RSBN1: variants seen among roughly 807,000 people sequenced by gnomAD.
RSBN1 encodes the protein round spermatid basic protein 1, also known as lysine-specific demethylase 9.
RSBN1 carries 23 observed loss-of-function variants against 74.8 expected under a neutral mutation model. The observed-to-expected ratio is 0.31, with a 90% confidence interval of 0.22 to 0.44. The LOEUF is 0.44. Among genes scored for constraint, RSBN1 ranks in the 20% least tolerant of loss-of-function variants. The probability of loss-of-function intolerance (pLI) is 1.00; values close to 1 mark genes in which losing one functional copy is unlikely to be tolerated. For synonymous variants in RSBN1, 407 were observed against 379.6 expected (o/e 1.07, Z -0.84); for missense variants, 808 against 1,020.9 (o/e 0.79, Z 2.84).
intron 2 of RSBN1, among the ~76,000 whole-genome samples, chr1:113,779,266 G>A (rs973551144): frequency 6.6e-6 from 1 of 151,922 alleles, no homozygotes; most frequent in Non-Finnish European, 1.5e-5. Flanking sequence ...GACCATCTAG[G>A]ATATCTTACC....
rs1218816870 is a variant in RSBN1, at chr1:113,763,734, T to C, written c.*2246A>G. 3.5e-5 allele frequency: 5 copies of C among 144,652 alleles called. No homozygotes were observed. Among genetic ancestry groups the C allele is most frequent in the African/African-American group, 5.0e-5 (2 of 40,354 alleles). The allele number at this position is 144,652 out of a possible 1,614,324, so 9.0% of individuals were successfully genotyped here. A position where few individuals can be genotyped will look rare whatever the true frequency, so the allele number is the denominator to read the frequency against. On this transcript the variant is annotated 3_prime_UTR_variant, in exon 7 of 7. Coordinates refer to ENST00000261441, the MANE Select transcript of RSBN1 (RefSeq NM_018364.5). The stretch of plus-strand genomic sequence containing the variant: ...AATGTGTTTATATTGGAGGTGAGGG[T>C]AGAATGTTTTATAAAAGGAAAATGG...
chr1:113,806,530 T>A (rs983285730), intron 1 of RSBN1, among the ~76,000 whole-genome samples: 2 of 151,138 alleles, frequency 1.3e-5, no homozygotes, highest in East Asian at 3.9e-4. Flanking sequence ...CAGATTAAAA[T>A]ACAAAAGTTA....
At chr1:113,811,647 G>A (rs963589645) in intron 1 of RSBN1, 63 bp downstream of exon 1, 1 of 1,516,284 alleles carries the variant, frequency 6.6e-7, no homozygotes, top group Admixed American at 2.1e-5. Flanking sequence ...CAGTCCTAAA[G>A]ATGCGGGATA....
chr1:113,805,115 T>C (rs2101826360), intron 1 of RSBN1, among the ~76,000 whole-genome samples: 1 of 152,198 alleles, frequency 6.6e-6, no homozygotes, highest in East Asian at 1.9e-4. Flanking sequence ...GGAAGTATGT[T>C]TGTCCTATTT....
Position 113,766,066 on chromosome 1 carries a change from G to A in RSBN1, c.2323C>T (p.Gln775Ter). The A allele has an allele frequency of 6.2e-7, 1 of 1,614,094 alleles. No individual in the cohort carries two copies. The highest frequency in any genetic ancestry group is 8.5e-7 in the Non-Finnish European group (1 of 1,179,956). Reference protein sequence around the residue: ...ELNLQQDQKTQPIPVLKVESR... With the variant: ...ELNLQQDQKT ...TCCACTTTTAAAACTGGAATAGGCTGAGTCTTCTGATCTTGCTGTAGATTA... is the reference window on the plus strand; with the variant it reads ...TCCACTTTTAAAACTGGAATAGGCTAAGTCTTCTGATCTTGCTGTAGATTA... The change falls in exon 7 of 7, where the codon CAG (glutamine) becomes TAG (stop). Residue 775 changes from glutamine (Q) to a stop codon, truncating the protein, a stop_gained. Coordinates refer to ENST00000261441, the MANE Select transcript of RSBN1 (RefSeq NM_018364.5). LOFTEE classifies it high-confidence loss of function.
chr1:113,784,229 T>C (rs1660195586), intron 2 of RSBN1, among the ~76,000 whole-genome samples: 1 of 152,152 alleles, frequency 6.6e-6, no homozygotes, highest in Non-Finnish European at 1.5e-5. Context: ...TTACCACAAG[T>C]TTATTGTACA....
intron 2 of RSBN1, among the ~76,000 whole-genome samples, chr1:113,786,744 G>A (rs933134928): frequency 6.6e-6 from 1 of 152,170 alleles, no homozygotes; most frequent in African/African-American, 2.4e-5. Context: ...GCCAAGGCAG[G>A]CGGATCACTT....
chr1:113,783,174 T>G (rs1487939729), intron 2 of RSBN1, among the ~76,000 whole-genome samples: 1 of 152,110 alleles, frequency 6.6e-6, no homozygotes, highest in Admixed American at 6.5e-5. Flanking sequence ...CAATATTATA[T>G]ATCTGTAATA....
At chr1:113,770,552 T>A (rs1659868123) in intron 4 of RSBN1, among the ~76,000 whole-genome samples, 1 of 152,168 alleles carries the variant, frequency 6.6e-6, no homozygotes, top group East Asian at 1.9e-4. Context: ...ACATGGAAAT[T>A]GCCACAAAAA....
rs758022036 is a variant in RSBN1, at chr1:113,812,398, T to A, written c.15A>T (p.Gly5=). 2.5e-6 allele frequency: 4 copies of A among 1,599,810 alleles called. No individual in the cohort carries two copies. The highest frequency in any genetic ancestry group is 3.4e-6 in the Non-Finnish European group (4 of 1,178,550). Residue 5 remains glycine, a synonymous_variant, in exon 1 of 7, where the codon GGA becomes GGT. Transcript: ENST00000261441. ...CCCTCCACTTGTCGGCCGTTCTTCGTCCAGAGATGAACATGCCGGAAGCGG... is the reference window on the plus strand; with the variant it reads ...CCCTCCACTTGTCGGCCGTTCTTCGACCAGAGATGAACATGCCGGAAGCGG... MFIS[G]RRTADKWRAE...
At position 113,763,630 on chromosome 1, in the gene RSBN1, TTC is replaced by T. The variant is rs1456513046; in HGVS notation, c.*2348_*2349del. On this transcript the variant is annotated 3_prime_UTR_variant, in exon 7 of 7. Coordinates refer to ENST00000261441, the MANE Select transcript of RSBN1 (RefSeq NM_018364.5). ...TCAGATCACGTTACTAGCTAAATGT[TTC>T]TCTTCATTCTATTGCAATTCTAACA... 6.5e-6 allele frequency: 1 copy of T among 152,784 alleles called. No individual in the cohort carries two copies. Among genetic ancestry groups the T allele is most frequent in the Non-Finnish European group, 1.5e-5 (1 of 68,038 alleles). The allele number at this position is 152,784 out of a possible 1,614,324, so 9.5% of individuals were successfully genotyped here. A position where few individuals can be genotyped will look rare whatever the true frequency, so the allele number is the denominator to read the frequency against.
At chr1:113,804,342 C>G (rs552885352) in intron 1 of RSBN1, among the ~76,000 whole-genome samples, 1 of 152,226 alleles carries the variant, frequency 6.6e-6, no homozygotes, top group African/African-American at 2.4e-5. Context: ...TTATTTTAAT[C>G]CTCAAACCAA....
At chr1:113,768,900 G>T (rs1165288994) in intron 4 of RSBN1, among the ~76,000 whole-genome samples, 1 of 151,286 alleles carries the variant, frequency 6.6e-6, no homozygotes, top group Non-Finnish European at 1.5e-5. Flanking sequence ...TTTCTTGGAA[G>T]TGGGAAAACC....
chr1:113,777,163 A>C, intron 4 of RSBN1, 47 bp downstream of exon 4: 1 of 1,564,644 alleles, frequency 6.4e-7, no homozygotes, highest in Non-Finnish European at 8.7e-7. Context: ...ATAAGCAACC[A>C]ACTAAAAAAA....
intron 2 of RSBN1, among the ~76,000 whole-genome samples, chr1:113,795,663 TA>T (rs1306825426): frequency 6.6e-6 from 1 of 152,252 alleles, no homozygotes; most frequent in South Asian, 2.1e-4. Flanking sequence ...AAAAAGTGGT[TA>T]TTTTTTAAAT....
chr1:113,793,282 A>C (rs183162614), intron 2 of RSBN1, among the ~76,000 whole-genome samples: 1 of 152,322 alleles, frequency 6.6e-6, no homozygotes, highest in African/African-American at 2.4e-5. Context: ...TCTAAAGAAA[A>C]GGCATAATTT....
intron 2 of RSBN1, chr1:113,796,116 A>C (rs1050134407): frequency 1.1e-4 from 16 of 152,200 alleles, no homozygotes; most frequent in African/African-American, 3.6e-4. Flanking sequence ...TTGACCTTCA[A>C]AGGGCAAAAC....
At position 113,766,065 on chromosome 1, in the gene RSBN1, T is replaced by C. The variant is rs371030911; in HGVS notation, c.2324A>G (p.Gln775Arg). Residue 775 changes from glutamine to arginine, a missense_variant, in exon 7 of 7, where the codon CAG (glutamine) becomes CGG (arginine). Gln to Arg is a conservative substitution (Grantham distance 43). Coordinates refer to ENST00000261441, the MANE Select transcript of RSBN1 (RefSeq NM_018364.5). ...ELNLQQDQKT[Q>R]PIPVLKVESR... The stretch of plus-strand genomic sequence containing the variant: ...TTCCACTTTTAAAACTGGAATAGGC[T>C]GAGTCTTCTGATCTTGCTGTAGATT... 1.1e-5 allele frequency: 17 copies of C among 1,614,026 alleles called. No homozygotes were observed. Among genetic ancestry groups the C allele is most frequent in the Non-Finnish European group, 1.4e-5 (16 of 1,179,980 alleles).
intron 1 of RSBN1, among the ~76,000 whole-genome samples, chr1:113,808,286 G>C (rs1660753776): frequency 6.6e-6 from 1 of 151,878 alleles, no homozygotes; most frequent in African/African-American, 2.4e-5. Flanking sequence ...ATCATCTCCA[G>C]ATTATTTATA....
Sources: allele counts gnomAD v4.1 joint callset (sites outside exome capture counted in the v4.1 genomes callset), GRCh38; gene constraint gnomAD v4.1.1; transcripts MANE v1.5; gene names NCBI Gene and HGNC (gene_info 2026-07-23, HGNC 2026-07-21).